BIN3: variants seen among roughly 807,000 people sequenced by gnomAD.
BIN3 encodes bridging integrator 3.
Under a neutral mutation model 38.2 loss-of-function variants are expected in BIN3, and 41 were observed. The ratio of observed to expected loss-of-function variants is 1.07; its 90% CI spans 0.84 to 1.39. The LOEUF is 1.39. Ranked by LOEUF, BIN3 falls within the 40% of genes most tolerant of loss-of-function variation. The pLI is 0.00. For synonymous variants in BIN3, 145 were observed against 122.6 expected (o/e 1.18, Z -1.21); for missense variants, 361 against 324.3 (o/e 1.11, Z -0.87).
At chr8:22,661,647 C>T (rs1295462404) in intron 1 of BIN3, among the ~76,000 whole-genome samples, 2 of 151,804 alleles carry the variant, frequency 1.3e-5, no homozygotes, top group South Asian at 2.1e-4. Flanking sequence ...TGTCAGCCAC[C>T]GTGCCCAGCC....
At chr8:22,661,352 CT>C (rs751194383) in intron 1 of BIN3, among the ~76,000 whole-genome samples, 2,404 of 84,088 alleles carry the variant, frequency 0.029, 33 homozygotes, top group African/African-American at 0.11. Flanking sequence ...ATGTATCATT[CT>C]TTTTTTTTTT....
intron 4 of BIN3, chr8:22,634,310 T>C (rs1011496923): frequency 2.0e-5 from 7 of 348,474 alleles, no homozygotes; most frequent in Admixed American, 7.8e-5. Flanking sequence ...AGGAGCAAGG[T>C]GCATGTTCAG....
chr8:22,648,799 T>C (rs1802789415), intron 1 of BIN3, among the ~76,000 whole-genome samples: 1 of 152,220 alleles, frequency 6.6e-6, no homozygotes. Context: ...TGGGTTATAA[T>C]CTAATACATT....
At chr8:22,647,003 G>C (rs188003204) in intron 1 of BIN3, among the ~76,000 whole-genome samples, 7 of 152,170 alleles carry the variant, frequency 4.6e-5, no homozygotes, top group African/African-American at 1.2e-4. Flanking sequence ...AAGCGCTCTC[G>C]ACCCGGTATC....
At chr8:22,628,321 G>A (rs2117510200) in intron 6 of BIN3, among the ~76,000 whole-genome samples, 1 of 152,326 alleles carries the variant, frequency 6.6e-6, no homozygotes, top group South Asian at 2.1e-4. Context: ...CAGGAAAGCT[G>A]GAGTTTCCTG....
chr8:22,647,423 C>T (rs1191671033), intron 1 of BIN3, among the ~76,000 whole-genome samples: 1 of 152,096 alleles, frequency 6.6e-6, no homozygotes, highest in East Asian at 1.9e-4. Context: ...AGTGACAAGC[C>T]CAGGGTCACT....
rs1472135367 is a variant in BIN3 at position 22,669,106 on chromosome 8, G to T, written c.-55C>A. The T allele has an allele frequency of 6.4e-6, 10 of 1,566,776 alleles. No homozygotes were observed. The highest frequency in any genetic ancestry group is 7.8e-6 in the Non-Finnish European group (9 of 1,155,306). ...CCTCAGCCACAACTCGTTTCTCTAG[G>T]GTCACTTCCGGATTCAACCAGTCTC... is the stretch of plus-strand genomic sequence containing the variant. On this transcript the variant is annotated 5_prime_UTR_variant, in exon 1 of 9. Transcript: ENST00000276416.
chr8:22,654,596 T>C (rs1218054177), intron 1 of BIN3, among the ~76,000 whole-genome samples: 1 of 152,258 alleles, frequency 6.6e-6, no homozygotes, highest in Non-Finnish European at 1.5e-5. Context: ...GCCTTTTGTG[T>C]CAGCCTCCTT....
chr8:22,627,495 G>A (rs1193948660), intron 6 of BIN3, among the ~76,000 whole-genome samples: 3 of 152,182 alleles, frequency 2.0e-5, no homozygotes, highest in Non-Finnish European at 4.4e-5. Flanking sequence ...AGGGGAGGTG[G>A]AGACGTGCAC....
intron 2 of BIN3, among the ~76,000 whole-genome samples, chr8:22,643,575 T>C (rs1014697243): frequency 2.0e-5 from 3 of 152,220 alleles, no homozygotes; most frequent in African/African-American, 7.2e-5. Context: ...TTCCAAAGTG[T>C]TGGATTACAG....
intron 4 of BIN3, among the ~76,000 whole-genome samples, chr8:22,631,226 AG>A (rs1802189928): frequency 6.6e-6 from 1 of 152,180 alleles, no homozygotes; most frequent in Non-Finnish European, 1.5e-5. Context: ...AATATCCAGT[AG>A]GAAGAGATAC....
At chr8:22,634,109 T>G (rs35952885) in intron 4 of BIN3, among the ~76,000 whole-genome samples, 40,026 of 152,206 alleles carry the variant, frequency 0.26, 5,794 homozygotes, top group South Asian at 0.37. Flanking sequence ...TGCAGCTGTC[T>G]GCAGAAGCAG....
chr8:22,626,263 G>A (rs1456351361), intron 6 of BIN3: 1 of 152,338 alleles, frequency 6.6e-6, no homozygotes, highest in African/African-American at 2.4e-5. Context: ...ACGGAACTGA[G>A]GGTGGGAAGC....
chr8:22,623,591 G>T (rs890642287), intron 8 of BIN3, among the ~76,000 whole-genome samples: 2 of 152,160 alleles, frequency 1.3e-5, no homozygotes, highest in Non-Finnish European at 2.9e-5. Context: ...CCAAGAAACC[G>T]CCCACTTGAG....
In BIN3 at chr8:22,623,922, C is replaced by T. The variant is rs777070742; in HGVS notation, c.608G>A (p.Arg203Gln). 1.4e-4 allele frequency: 224 copies of T among 1,611,444 alleles called. No individual in the cohort carries two copies. Among genetic ancestry groups the T allele is most frequent in the Admixed American group, 1.2e-3 (72 of 59,840 alleles). Residue 203 changes from arginine (R) to glutamine (Q), a missense_variant, in exon 8 of 9, where the codon CGA becomes CAA. Coordinates refer to ENST00000276416, the MANE Select transcript of BIN3 (RefSeq NM_018688.6). ...YFQPSFESLI[R>Q]AQVVYYSEMH... The stretch of plus-strand genomic sequence containing the variant: ...AGCACCTGGCGGCCTCACCTGAGCT[C>T]GGATGAGGGACTCAAAGCTGGGCTG...
intron 4 of BIN3, among the ~76,000 whole-genome samples, chr8:22,635,403 AG>A (rs1193136424): frequency 6.6e-6 from 1 of 151,946 alleles, no homozygotes; most frequent in African/African-American, 2.4e-5. Context: ...GCTGAGTGAG[AG>A]GAAGTGGGCA....
At chr8:22,625,306 A>G (rs1322575364) in intron 6 of BIN3, 1 of 702,212 alleles carries the variant, frequency 1.4e-6, no homozygotes, top group Non-Finnish European at 2.6e-6. Flanking sequence ...GGCGTCTACC[A>G]GGCAAGCCAG....
intron 1 of BIN3, among the ~76,000 whole-genome samples, chr8:22,663,440 TAAAA>T (rs35060338): frequency 5.4e-5 from 7 of 128,680 alleles, no homozygotes; most frequent in South Asian, 2.4e-4. Flanking sequence ...CCGATTTGTT[TAAAA>T]AAAAAAAAAA....
rs1280130507 is a variant in BIN3 at position 22,630,127 on chromosome 8, T to C, written c.298-123A>G. On this transcript the variant is annotated intron_variant, in intron 5 of 8. Transcript: ENST00000276416. ...GGGCCACAGGGTGCTGTCCTTGTCCTGGGCCTGGCTTTGCTCAGGGTGGAG... is the reference window on the plus strand; with the variant it reads ...GGGCCACAGGGTGCTGTCCTTGTCCCGGGCCTGGCTTTGCTCAGGGTGGAG... The C allele has an allele frequency of 3.5e-6, 4 of 1,150,414 alleles. No homozygotes were observed. The African/African-American group carries it at 4.6e-5, about 13-fold the overall frequency. The allele number at this position is 1,150,414 out of a possible 1,614,324, so 71.3% of individuals were successfully genotyped here.
Sources: gnomAD v4.1 joint callset for allele counts (sites outside exome capture counted in the v4.1 genomes callset) on GRCh38, gnomAD v4.1.1 for gene constraint, MANE v1.5 for transcripts, NCBI Gene and HGNC (gene_info 2026-07-23, HGNC 2026-07-21) for gene names.